The following IL21R variants were observed in gnomAD, a reference collection of about 807,000 sequenced individuals.
The protein encoded by IL21R is interleukin-21 receptor.
IL21R carries 14 observed loss-of-function variants against 41.3 expected under a neutral mutation model. The observed-to-expected ratio is 0.34, with a 90% CI of 0.22 to 0.53. IL21R has a LOEUF of 0.53. IL21R is among the 20% of genes least tolerant of loss of function. IL21R has a pLI of 0.94. For synonymous variants in IL21R, 286 were observed against 287.6 expected (o/e 0.99, Z 0.05); for missense variants, 588 against 681.6 (o/e 0.86, Z 1.53).
intron 8 of IL21R, among the ~76,000 whole-genome samples, chr16:27,446,666 A>AG (rs1310228982): frequency 2.6e-5 from 4 of 152,068 alleles, no homozygotes; most frequent in Non-Finnish European, 5.9e-5. Context: ...AGACTGGGAT[A>AG]GGGGGTGAGG....
At chr16:27,416,305 T>A (rs1411964542) in intron 1 of IL21R, among the ~76,000 whole-genome samples, 1 of 152,050 alleles carries the variant, frequency 6.6e-6, no homozygotes, top group Non-Finnish European at 1.5e-5. Flanking sequence ...CCTGGCTAAT[T>A]TTTTGTGTTT....
chr16:27,427,322 AC>A, intron 1 of IL21R: 1 of 985,252 alleles, frequency 1.0e-6, no homozygotes, highest in East Asian at 1.1e-4. Flanking sequence ...AGCAGCAGGT[AC>A]CCCCTCCACA....
Position 27,449,055 on chromosome 16 carries a change from G to T in IL21R, c.1389G>T (p.Leu463=), listed in dbSNP as rs1457802062. The T allele has an allele frequency of 6.2e-7, 1 of 1,612,596 alleles. No individual in the cohort carries two copies. Among genetic ancestry groups the T allele is most frequent in the Non-Finnish European group, 8.5e-7 (1 of 1,179,742 alleles). The change falls in exon 9 of 9, where the codon CTG becomes CTT. Residue 463 remains leucine, a synonymous_variant. Coordinates refer to ENST00000337929, the MANE Select transcript of IL21R (RefSeq NM_181078.3). The part of the protein sequence containing the change: ...LADGEDWAGG[L]PWGGRSPGGV... Reference sequence around the variant, plus strand: ...ATGGGGAGGACTGGGCTGGGGGACTGCCCTGGGGTGGCCGGTCACCTGGAG... The same window carrying T: ...ATGGGGAGGACTGGGCTGGGGGACTTCCCTGGGGTGGCCGGTCACCTGGAG...
intron 1 of IL21R, among the ~76,000 whole-genome samples, chr16:27,417,038 T>C (rs951245770): frequency 2.6e-5 from 4 of 152,238 alleles, no homozygotes; most frequent in African/African-American, 9.6e-5. Context: ...GAAATTTTGC[T>C]TGTTTCCAGT....
intron 2 of IL21R, among the ~76,000 whole-genome samples, chr16:27,432,179 G>A (rs2087186086): frequency 6.6e-6 from 1 of 152,332 alleles, no homozygotes; most frequent in Middle Eastern, 3.4e-3. Context: ...TCAAACCGTA[G>A]CACGGCCTTC....
Position 27,450,647 on chromosome 16 carries a change from C to T in IL21R, c.*1364C>T, listed in dbSNP as rs1003095149. The T allele has an allele frequency of 2.8e-5, 6 of 217,970 alleles. No homozygotes were observed. In the East Asian group the frequency reaches 4.0e-4, roughly 15 times the overall value. The allele number at this position is 217,970 out of a possible 1,614,324, so 13.5% of individuals were successfully genotyped here. On this transcript the variant is annotated 3_prime_UTR_variant, in exon 9 of 9. Transcript: ENST00000337929. Reference sequence around the variant, plus strand: ...TCGCCCAGGCTGGAATGCAGTGGTGCGATCTCGGCTCTCTGCAACCTCTGT... The same window carrying T: ...TCGCCCAGGCTGGAATGCAGTGGTGTGATCTCGGCTCTCTGCAACCTCTGT...
chr16:27,427,428 C>T (rs1324908353), intron 1 of IL21R: 2 of 631,892 alleles, frequency 3.2e-6, no homozygotes, highest in South Asian at 7.0e-5. Context: ...CAGGGTCTCA[C>T]TCTTTCATTC....
At chr16:27,435,276 A>G (rs887175065) in intron 3 of IL21R, among the ~76,000 whole-genome samples, 3 of 151,978 alleles carry the variant, frequency 2.0e-5, no homozygotes, top group African/African-American at 7.2e-5. Context: ...AAAACAAAAC[A>G]AAACATGTAT....
At chr16:27,437,805 G>T in intron 4 of IL21R, 118 bp downstream of exon 4, 2 of 764,170 alleles carry the variant, frequency 2.6e-6, no homozygotes, top group South Asian at 3.2e-5. Context: ...TGGGACAACA[G>T]GTGTACACCA....
chr16:27,404,301 G>T (rs769687158), intron 1 of IL21R, among the ~76,000 whole-genome samples: 3 of 152,156 alleles, frequency 2.0e-5, no homozygotes, highest in Non-Finnish European at 4.4e-5. Context: ...AGGAGAGGTG[G>T]GGAGAGCAAG....
At chr16:27,440,677 T>C (rs1400009322) in intron 4 of IL21R, among the ~76,000 whole-genome samples, 1 of 152,056 alleles carries the variant, frequency 6.6e-6, no homozygotes, top group Non-Finnish European at 1.5e-5. Context: ...CCCAAGGAGC[T>C]AAGAGCCCAG....
In IL21R at chr16:27,448,948, T is replaced by C; in HGVS notation, c.1282T>C (p.Cys428Arg). ...LLDAGTTVLS[C>R]GCVSAGSPGL... ...GGATGCAGGGACCACAGTCCTGTCCTGTGGCTGTGTCTCAGCTGGCAGCCC... is the reference window on the plus strand; with the variant it reads ...GGATGCAGGGACCACAGTCCTGTCCCGTGGCTGTGTCTCAGCTGGCAGCCC... Residue 428 changes from cysteine (C) to arginine (R), a missense_variant, in exon 9 of 9, where the codon TGT becomes CGT. Cys to Arg is a radical substitution (Grantham distance 180). Coordinates refer to ENST00000337929, the MANE Select transcript of IL21R (RefSeq NM_181078.3). 1.2e-6 allele frequency: 2 copies of C among 1,613,264 alleles called. No homozygotes were observed. The highest frequency in any genetic ancestry group is 2.7e-5 in the African/African-American group (2 of 75,038).
chr16:27,409,975 T>C (rs2086802414), intron 1 of IL21R, among the ~76,000 whole-genome samples: 1 of 152,224 alleles, frequency 6.6e-6, no homozygotes, highest in Non-Finnish European at 1.5e-5. Context: ...GAACATAGTA[T>C]GTACCACCAC....
intron 3 of IL21R, among the ~76,000 whole-genome samples, chr16:27,435,992 C>G (rs1471864698): frequency 1.3e-5 from 2 of 152,154 alleles, no homozygotes; most frequent in African/African-American, 4.8e-5. Context: ...CACCTGGTCT[C>G]GAACTCCTGG....
rs1317997394 is a variant in IL21R at position 27,451,176 on chromosome 16, G to A, written c.*1893G>A. The A allele has an allele frequency of 8.6e-6, 2 of 232,132 alleles. No individual in the cohort carries two copies. Among genetic ancestry groups the A allele is most frequent in the Non-Finnish European group, 1.7e-5 (2 of 117,436 alleles). 14.4% of individuals were successfully genotyped at this position (232,132 alleles called of 1,614,324 possible). A position where few individuals can be genotyped will look rare whatever the true frequency, so the allele number is the denominator to read the frequency against. ...AGGGACTCTTGGGTCCAGATGTGCTGTGGTTTTCACACCTTCTTGGGGGCA... is the reference window on the plus strand; with the variant it reads ...AGGGACTCTTGGGTCCAGATGTGCTATGGTTTTCACACCTTCTTGGGGGCA... On this transcript the variant is annotated 3_prime_UTR_variant, in exon 9 of 9. Coordinates refer to ENST00000337929, the MANE Select transcript of IL21R (RefSeq NM_181078.3).
intron 1 of IL21R, among the ~76,000 whole-genome samples, chr16:27,420,503 T>C (rs1179719588): frequency 6.6e-6 from 1 of 152,230 alleles, no homozygotes; most frequent in Admixed American, 6.5e-5. Context: ...ATTACCATCC[T>C]AATGCATGTG....
At position 27,444,957 on chromosome 16, in the gene IL21R, T is replaced by A. The variant is rs189674936; in HGVS notation, c.686-220T>A. 2.7e-3 allele frequency among the ~76,000 whole-genome samples: 405 copies of A among 152,298 alleles called. 2 individuals are homozygous for A. Among genetic ancestry groups the A allele is most frequent in the Admixed American group, 4.8e-3 (73 of 15,294 alleles). On this transcript the variant is annotated intron_variant, in intron 6 of 8. Transcript: ENST00000337929. The stretch of plus-strand genomic sequence containing the variant: ...CTGAAGTGGGAATCAGCCCTGTTTT[T>A]CAGACGAGATAACTTAGGCTCAGAG...
intron 1 of IL21R, among the ~76,000 whole-genome samples, chr16:27,416,683 C>T (rs921902281): frequency 6.6e-6 from 1 of 152,134 alleles, no homozygotes; most frequent in African/African-American, 2.4e-5. Flanking sequence ...TTAAGATGTG[C>T]AATTCAACAA....
intron 1 of IL21R, chr16:27,403,209 A>G (rs1407183820): frequency 3.7e-6 from 5 of 1,339,652 alleles, no homozygotes; most frequent in Non-Finnish European, 4.9e-6. Context: ...AGCACGGGGA[A>G]CGGGTCGGAT....
Sources: gnomAD v4.1 joint callset for allele counts (sites outside exome capture counted in the v4.1 genomes callset) on GRCh38, gnomAD v4.1.1 for gene constraint, MANE v1.5 for transcripts, NCBI Gene and HGNC (gene_info 2026-07-23, HGNC 2026-07-21) for gene names.